SETBP1: variants seen among roughly 807,000 people sequenced by gnomAD.
The protein encoded by SETBP1 is SET-binding protein.
In SETBP1, 9 loss-of-function variants were observed where a neutral mutation model predicts 101.0. The observed-to-expected ratio is 0.09, with a 90% confidence interval of 0.05 to 0.16. SETBP1 has a LOEUF of 0.16. Among genes scored for constraint, SETBP1 ranks in the 10% least tolerant of loss-of-function variants. The probability of loss-of-function intolerance (pLI) is 1.00; values close to 1 mark genes in which losing one functional copy is unlikely to be tolerated. For synonymous variants in SETBP1, 818 were observed against 788.5 expected (o/e 1.04, Z -0.63); for missense variants, 1,858 against 2,033.8 (o/e 0.91, Z 1.66).
At chr18:44,888,647 T>C (rs1010713104) in intron 3 of SETBP1, among the ~76,000 whole-genome samples, 2 of 152,138 alleles carry the variant, frequency 1.3e-5, no homozygotes, top group Admixed American at 6.6e-5. Context: ...ATCCTCTGTG[T>C]GGCCTTATAT....
intron 2 of SETBP1, among the ~76,000 whole-genome samples, chr18:44,838,695 TG>T (rs1391361573): frequency 2.6e-5 from 4 of 152,324 alleles, no homozygotes; most frequent in Admixed American, 6.5e-5. Context: ...CAATGGGGTA[TG>T]GGGTGGGCTG....
At chr18:44,809,538 A>T (rs2071815167) in intron 2 of SETBP1, among the ~76,000 whole-genome samples, 1 of 152,184 alleles carries the variant, frequency 6.6e-6, no homozygotes, top group Non-Finnish European at 1.5e-5. Context: ...CAGGCCATAA[A>T]AATCAAGTTG....
chr18:44,863,400 T>G (rs1252264767), intron 2 of SETBP1, among the ~76,000 whole-genome samples: 1 of 152,056 alleles, frequency 6.6e-6, no homozygotes, highest in Non-Finnish European at 1.5e-5. Context: ...CAATGGAGAG[T>G]GTGGGGCTAG....
intron 2 of SETBP1, among the ~76,000 whole-genome samples, chr18:44,740,518 A>G (rs914408811): frequency 2.6e-5 from 4 of 152,228 alleles, no homozygotes; most frequent in African/African-American, 7.2e-5. Flanking sequence ...TCTAGTGGCT[A>G]TTGAGTTCCC....
At chr18:44,751,732 T>C (rs75458188) in intron 2 of SETBP1, among the ~76,000 whole-genome samples, 1,537 of 152,338 alleles carry the variant, frequency 0.01, 22 homozygotes, top group African/African-American at 0.034. Context: ...TTCAATACAT[T>C]TGGAAACCAG....
chr18:44,857,712 T>G (rs920972407), intron 2 of SETBP1, among the ~76,000 whole-genome samples: 11 of 152,130 alleles, frequency 7.2e-5, no homozygotes, highest in African/African-American at 2.7e-4. Context: ...CCCAACTGAA[T>G]CAGCCAGAAA....
intron 5 of SETBP1, among the ~76,000 whole-genome samples, chr18:45,039,652 T>A (rs1214397806): frequency 6.6e-6 from 1 of 152,218 alleles, no homozygotes; most frequent in African/African-American, 2.4e-5. Context: ...TGAATTAACA[T>A]ATTAATGTAA....
Position 44,950,442 on chromosome 18 carries a change from A to G in SETBP1, c.1102A>G (p.Lys368Glu), listed in dbSNP as rs768302299. 4.3e-6 allele frequency: 7 copies of G among 1,614,164 alleles called. No homozygotes were observed. In the Admixed American group the frequency reaches 1.2e-4, roughly 27 times the overall value. Reference protein sequence around the residue: ...AQKAFDNTEGKREGYSADSAQ... With the variant: ...AQKAFDNTEGEREGYSADSAQ... The stretch of plus-strand genomic sequence containing the variant: ...GAAAGCATTTGACAATACAGAAGGG[A>G]AAAGGGAAGGTTATTCCGCAGATAG... Residue 368 changes from lysine to glutamate, a missense_variant, in exon 4 of 6, where the codon AAA becomes GAA. Coordinates refer to ENST00000649279, the MANE Select transcript of SETBP1 (RefSeq NM_015559.3).
At chr18:44,979,555 A>G (rs1430493370) in intron 4 of SETBP1, among the ~76,000 whole-genome samples, 1 of 152,242 alleles carries the variant, frequency 6.6e-6, no homozygotes, top group Non-Finnish European at 1.5e-5. Flanking sequence ...GTATGATTCT[A>G]CTGGGATACA....
intron 3 of SETBP1, among the ~76,000 whole-genome samples, chr18:44,935,064 G>A (rs973624911): frequency 4.6e-5 from 7 of 150,612 alleles, no homozygotes; most frequent in Non-Finnish European, 7.4e-5. Flanking sequence ...AGGGAGGAGC[G>A]GCAATGAATC....
At chr18:44,846,863 A>T (rs550632706) in intron 2 of SETBP1, among the ~76,000 whole-genome samples, 6 of 152,208 alleles carry the variant, frequency 3.9e-5, no homozygotes, top group Admixed American at 6.5e-5. Flanking sequence ...TTCCAAATCA[A>T]TATATTGAAT....
rs2073937058 is a variant in SETBP1 at position 45,064,117 on chromosome 18, C to G, written c.*419C>G. On this transcript the variant is annotated 3_prime_UTR_variant, in exon 6 of 6. Transcript: ENST00000649279. ...AGGAAACATTCCAAGGGGAGAAAAG[C>G]TGCAAATTGCTCAACTGGCATTGCT... is the stretch of plus-strand genomic sequence containing the variant. The G allele has an allele frequency of 6.0e-6, 1 of 167,728 alleles. No individual in the cohort carries two copies. Among genetic ancestry groups the G allele is most frequent in the South Asian group, 1.7e-4 (1 of 5,850 alleles). The allele number at this position is 167,728 out of a possible 1,614,324, so 10.4% of individuals were successfully genotyped here. A position where few individuals can be genotyped will look rare whatever the true frequency, so the allele number is the denominator to read the frequency against.
In SETBP1 at chr18:44,700,551, T is replaced by G. The variant is rs573290962; in HGVS notation, c.-172-624T>G. On this transcript the variant is annotated intron_variant, in intron 1 of 5. Coordinates refer to ENST00000649279, the MANE Select transcript of SETBP1 (RefSeq NM_015559.3). ...GATTTGCCACTGAACTCTTTTTATT[T>G]TCTTTTTGTGTGCCTCAAACCTAAG... 2.3e-4 allele frequency among the ~76,000 whole-genome samples: 35 copies of G among 152,342 alleles called. No individual in the cohort carries two copies. The South Asian group carries it at 7.1e-3, about 31-fold the overall frequency.
intron 2 of SETBP1, among the ~76,000 whole-genome samples, chr18:44,855,352 T>A (rs1386074317): frequency 2.0e-5 from 3 of 152,142 alleles, no homozygotes; most frequent in African/African-American, 7.2e-5. Context: ...CCTAAAAAAA[T>A]AAATATTTAT....
intron 2 of SETBP1, among the ~76,000 whole-genome samples, chr18:44,750,900 T>C (rs1430551370): frequency 6.6e-6 from 1 of 152,226 alleles, no homozygotes; most frequent in Non-Finnish European, 1.5e-5. Context: ...GAGACCACTG[T>C]GGGCCAGTTG....
At chr18:44,715,868 C>T (rs1055324704) in intron 2 of SETBP1, among the ~76,000 whole-genome samples, 1 of 152,090 alleles carries the variant, frequency 6.6e-6, no homozygotes, top group East Asian at 1.9e-4. Context: ...TGGAAGTGGG[C>T]GCGTCCAGAT....
chr18:44,994,027 C>T (rs1346626675), intron 4 of SETBP1, among the ~76,000 whole-genome samples: 4 of 151,862 alleles, frequency 2.6e-5, no homozygotes, highest in African/African-American at 4.8e-5. Flanking sequence ...TAATGAAACT[C>T]GTTTATCAAA....
intron 5 of SETBP1, among the ~76,000 whole-genome samples, chr18:45,044,472 T>G (rs2073570013): frequency 6.6e-6 from 1 of 152,214 alleles, no homozygotes; most frequent in Non-Finnish European, 1.5e-5. Context: ...GGTTGGAAGC[T>G]TCTGTGTTTC....
intron 4 of SETBP1, among the ~76,000 whole-genome samples, chr18:45,033,575 G>A (rs767526430): frequency 4.1e-4 from 63 of 152,232 alleles, no homozygotes; most frequent in Admixed American, 6.5e-5. Context: ...AACCATCCCA[G>A]TGGTGTCAGC....
Sources: allele counts gnomAD v4.1 joint callset (sites outside exome capture counted in the v4.1 genomes callset), GRCh38; gene constraint gnomAD v4.1.1; transcripts MANE v1.5; gene names NCBI Gene and HGNC (gene_info 2026-07-23, HGNC 2026-07-21).